Variants in AFP observed in about 807,000 individuals in gnomAD.
AFP encodes alpha-fetoprotein.
In AFP, 64 loss-of-function variants were observed where a neutral mutation model predicts 78.9. That is an observed-to-expected ratio of 0.81 (90% CI 0.66 to 1.00). AFP has a LOEUF of 1.00. Ranked by LOEUF, AFP falls within the 50% of genes least tolerant of loss-of-function variation. The pLI is 0.00. For missense variants in AFP, 689 were observed against 703.8 expected (o/e 0.98, Z 0.24); for synonymous variants, 254 against 243.8 (o/e 1.04, Z -0.39).
intron 10 of AFP, 43 bp from the exon 11 acceptor site, chr4:73,450,572 A>T: frequency 1.2e-6 from 2 of 1,613,920 alleles, no homozygotes; most frequent in Admixed American, 3.3e-5. Flanking sequence ...CTAAAAACTC[A>T]TGAATGACTC....
chr4:73,443,266 T>A (rs1286050131), intron 5 of AFP, 81 bp from the exon 6 acceptor site: 14 of 1,055,670 alleles, frequency 1.3e-5, no homozygotes, highest in Non-Finnish European at 2.1e-5. Context: ...TTACCTATAC[T>A]TGTTGTTTTT....
intron 1 of AFP, 100 bp from the exon 2 acceptor site, chr4:73,437,060 T>A: frequency 1.1e-6 from 1 of 908,616 alleles, no homozygotes; most frequent in African/African-American, 1.6e-5. Flanking sequence ...ATTCTGAAAC[T>A]GTACAGTTCT....
At chr4:73,453,232 A>C (rs151034050) in intron 12 of AFP, among the ~76,000 whole-genome samples, 13 of 152,230 alleles carry the variant, frequency 8.5e-5, no homozygotes, top group African/African-American at 3.1e-4. Flanking sequence ...CCTCTATCAC[A>C]GTCTGAGGTA....
Position 73,440,665 on chromosome 4 carries a change from G to A in AFP, c.334G>A (p.Asp112Asn), listed in dbSNP as rs751368057. ...KEILEKYGHS[D>N]CCSQSEEGRH... is the part of the protein sequence containing the mutation. ...AATTTTGGAGAAGTACGGACATTCA[G>A]ACTGCTGCAGCCAAAGTGAAGAGGG... The change falls in exon 4 of 15, where the codon GAC (aspartate) becomes AAC (asparagine). Residue 112 changes from aspartate (D) to asparagine (N), a missense_variant. Asp to Asn is a conservative substitution (Grantham distance 23). Transcript: ENST00000395792. 1.2e-6 allele frequency: 2 copies of A among 1,614,116 alleles called. No homozygotes were observed. The highest frequency in any genetic ancestry group is 1.3e-5 in the African/African-American group (1 of 75,006).
chr4:73,450,486 A>G, intron 10 of AFP, 129 bp from the exon 11 acceptor site: 1 of 1,357,370 alleles, frequency 7.4e-7, no homozygotes, highest in Non-Finnish European at 1.0e-6. Context: ...TTCAAATACC[A>G]TGTAGATGAA....
intron 3 of AFP, among the ~76,000 whole-genome samples, chr4:73,438,947 AC>A (rs1719588375): frequency 6.6e-6 from 1 of 152,152 alleles, no homozygotes; most frequent in South Asian, 2.1e-4. Flanking sequence ...TATGGGAACC[AC>A]CAAATGGCAG....
At chr4:73,439,161 TAGA>T (rs1215328978) in intron 3 of AFP, among the ~76,000 whole-genome samples, 1 of 152,196 alleles carries the variant, frequency 6.6e-6, no homozygotes, top group African/African-American at 2.4e-5. Flanking sequence ...TATTTCATTG[TAGA>T]AGCTCAACAA....
intron 5 of AFP, among the ~76,000 whole-genome samples, chr4:73,443,008 T>C (rs1719716199): frequency 6.6e-6 from 1 of 152,168 alleles, no homozygotes; most frequent in Non-Finnish European, 1.5e-5. Context: ...AATCGTATTT[T>C]TTGTAACTGA....
In AFP at chr4:73,447,311, C is replaced by A. The variant is rs1719858975; in HGVS notation, c.844-151C>A. ...TCCTTCCTCCATCCCTCTCTATTTC[C>A]CTTTCCCCTTCCTTCTTTCCTGGCC... On this transcript the variant is annotated intron_variant, in intron 7 of 14. Transcript: ENST00000395792. 4 of 466,044 alleles carry A rather than the reference C, an allele frequency of 8.6e-6. No homozygotes were observed. The South Asian group carries it at 1.5e-4, about 17-fold the overall frequency. 28.9% of individuals were successfully genotyped at this position (466,044 alleles called of 1,614,324 possible).
intron 4 of AFP, 114 bp from the exon 5 acceptor site, chr4:73,442,182 C>A: frequency 9.4e-7 from 1 of 1,060,374 alleles, no homozygotes; most frequent in Non-Finnish European, 1.4e-6. Context: ...AAGTCAAATG[C>A]ATTTTGTTGT....
intron 2 of AFP, among the ~76,000 whole-genome samples, chr4:73,437,550 T>C (rs1719542397): frequency 6.6e-6 from 1 of 152,230 alleles, no homozygotes; most frequent in Non-Finnish European, 1.5e-5. Flanking sequence ...TTTTCTTTTC[T>C]GTATACTATT....
chr4:73,453,714 T>G (rs976011581), intron 12 of AFP, 51 bp from the exon 13 acceptor site: 1 of 1,600,758 alleles, frequency 6.2e-7, no homozygotes, highest in East Asian at 2.2e-5. Flanking sequence ...TGTAGAAAAA[T>G]AGCATTGCAT....
chr4:73,455,292 T>C lies in AFP; in HGVS notation c.*10+2T>C, dbSNP rs182003350. On this transcript the variant is annotated splice_donor_variant, in intron 14 of 14. Coordinates refer to ENST00000395792, the MANE Select transcript of AFP (RefSeq NM_001134.3). LOFTEE classifies it low-confidence loss of function (3UTR_SPLICE). Reference sequence around the variant, plus strand: ...CTTTGGGAGTTTAAATTACTTCAGGTAACAAAACATTCAGACAAGCCTGAA... The same window carrying C: ...CTTTGGGAGTTTAAATTACTTCAGGCAACAAAACATTCAGACAAGCCTGAA... 7,496 of 1,608,816 alleles carry C rather than the reference T, an allele frequency of 4.7e-3. 36 individuals carry two copies. The highest frequency in any genetic ancestry group is 5.6e-3 in the Non-Finnish European group (6,615 of 1,175,622).
intron 9 of AFP, 103 bp downstream of exon 9, chr4:73,449,570 G>A: frequency 1.5e-6 from 2 of 1,348,962 alleles, no homozygotes; most frequent in East Asian, 2.3e-5. Flanking sequence ...CTAGTTGTTA[G>A]CCAGTTATAT....
intron 12 of AFP, among the ~76,000 whole-genome samples, chr4:73,452,964 A>G (rs1383377640): frequency 6.6e-6 from 1 of 152,200 alleles, no homozygotes; most frequent in East Asian, 1.9e-4. Flanking sequence ...TTCCATTCCA[A>G]GCACAGGAAA....
intron 8 of AFP, 83 bp downstream of exon 8, chr4:73,447,759 A>C: frequency 1.3e-5 from 16 of 1,200,572 alleles, no homozygotes; most frequent in Non-Finnish European, 1.9e-5. Flanking sequence ...ATGGAGAGTG[A>C]TGATTATGGT....
chr4:73,454,020 A>G, intron 13 of AFP, 123 bp downstream of exon 13: 1 of 1,226,226 alleles, frequency 8.2e-7, no homozygotes, highest in South Asian at 1.4e-5. Context: ...AATTTCATTG[A>G]GAAGCAGATT....
chr4:73,442,059 G>A (rs1338229731), intron 4 of AFP, among the ~76,000 whole-genome samples: 1 of 152,108 alleles, frequency 6.6e-6, no homozygotes, highest in Non-Finnish European at 1.5e-5. Context: ...TCTCATAATA[G>A]AATCTGGTAC....
In AFP at chr4:73,443,421, T is replaced by C; in HGVS notation, c.690T>C (p.Phe230=). 1 of 1,612,710 alleles carries C rather than the reference T, an allele frequency of 6.2e-7. No homozygotes were observed. Among genetic ancestry groups the C allele is most frequent in the Non-Finnish European group, 8.5e-7 (1 of 1,178,740 alleles). ...NQHACAVMKN[F]GTRTFQAITV... ...ATGCATGTGCAGTAATGAAAAATTT[T>C]GGGACCCGAACTTTCCAAGCCATGT... Residue 230 remains phenylalanine (F), a synonymous_variant, in exon 6 of 15, where the codon TTT becomes TTC. Transcript: ENST00000395792.
Sources: gnomAD v4.1 joint callset for allele counts (sites outside exome capture counted in the v4.1 genomes callset) on GRCh38, gnomAD v4.1.1 for gene constraint, MANE v1.5 for transcripts, NCBI Gene and HGNC (gene_info 2026-07-23, HGNC 2026-07-21) for gene names.